TCF12: variants seen among roughly 807,000 people sequenced by gnomAD.
TCF12 encodes DNA-binding protein HTF4.
A neutral mutation model predicts 86.0 loss-of-function variants in TCF12; 45 were observed. That is an observed-to-expected ratio of 0.52 (90% CI 0.41 to 0.67). The LOEUF (loss-of-function observed/expected upper bound fraction) is 0.67, where lower values mean the gene tolerates loss of function less well. Among genes scored for constraint, TCF12 ranks in the 30% least tolerant of loss-of-function variants. TCF12 has a pLI of 0.00. For missense variants in TCF12, 881 were observed against 859.9 expected, an observed-to-expected ratio of 1.02 and a Z score of -0.31; for synonymous variants, 330 against 299.6, an observed-to-expected ratio of 1.10 and a Z score of -1.05.
intron 3 of TCF12, among the ~76,000 whole-genome samples, chr15:56,956,079 CT>C (rs1325568657): frequency 2.6e-5 from 4 of 152,034 alleles, no homozygotes; most frequent in East Asian, 1.9e-4. Context: ...GCACTGTACA[CT>C]TTTTTTCTTG....
intron 3 of TCF12, among the ~76,000 whole-genome samples, chr15:56,970,675 A>G (rs1299255277): frequency 6.6e-6 from 1 of 152,076 alleles, no homozygotes; most frequent in Non-Finnish European, 1.5e-5. Context: ...AGACTGATAC[A>G]TTTGACTATG....
chr15:56,996,764 T>G (rs1245073862), intron 3 of TCF12, among the ~76,000 whole-genome samples: 4 of 152,076 alleles, frequency 2.6e-5, no homozygotes, highest in South Asian at 2.1e-4. Flanking sequence ...TCCAAAATCT[T>G]AAGGAACTTA....
intron 8 of TCF12, among the ~76,000 whole-genome samples, chr15:57,203,780 T>G (rs2057673372): frequency 6.6e-6 from 1 of 152,306 alleles, no homozygotes; most frequent in East Asian, 1.9e-4. Flanking sequence ...GCACGGTGGC[T>G]GTAGTCCCAA....
At chr15:56,994,792 C>T (rs1340130416) in intron 3 of TCF12, among the ~76,000 whole-genome samples, 3 of 151,960 alleles carry the variant, frequency 2.0e-5, no homozygotes, top group Admixed American at 6.6e-5. Context: ...TGTCAGCAGA[C>T]GTGATCTAAA....
chr15:57,056,462 AATTT>A (rs1363925699), intron 3 of TCF12, among the ~76,000 whole-genome samples: 4 of 150,486 alleles, frequency 2.7e-5, no homozygotes, highest in African/African-American at 9.8e-5. Context: ...ATTTTTAATT[AATTT>A]ATTTATTTAT....
chr15:57,073,129 G>A (rs182613436), intron 4 of TCF12, among the ~76,000 whole-genome samples: 15 of 152,154 alleles, frequency 9.9e-5, no homozygotes, highest in African/African-American at 3.6e-4. Flanking sequence ...GATCTTTTTG[G>A]AAATAACCTT....
chr15:57,201,247 T>A (rs1436141892), intron 8 of TCF12, among the ~76,000 whole-genome samples: 1 of 151,860 alleles, frequency 6.6e-6, no homozygotes, highest in Non-Finnish European at 1.5e-5. Context: ...GACCTCACTA[T>A]CTTATATGAG....
chr15:57,200,094 A>G (rs1346512691), intron 8 of TCF12, among the ~76,000 whole-genome samples: 2 of 140,426 alleles, frequency 1.4e-5, no homozygotes, highest in Non-Finnish European at 3.0e-5. Flanking sequence ...CCAGGCCAGG[A>G]TGGTCTTGAA....
chr15:57,167,414 A>G (rs1567551552), intron 6 of TCF12, among the ~76,000 whole-genome samples: 1 of 152,072 alleles, frequency 6.6e-6, no homozygotes, highest in Non-Finnish European at 1.5e-5. Context: ...TGTAAAAATC[A>G]GCCAGGTGTA....
intron 5 of TCF12, among the ~76,000 whole-genome samples, chr15:57,093,782 TAA>T (rs2049143989): frequency 6.6e-6 from 1 of 152,114 alleles, no homozygotes; most frequent in African/African-American, 2.4e-5. Flanking sequence ...AATCAACATC[TAA>T]AAAAAGTCTT....
chr15:56,950,745 GTTTTTTTTTTTT>G (rs71113040), intron 3 of TCF12, among the ~76,000 whole-genome samples: 16 of 85,900 alleles, frequency 1.9e-4, no homozygotes, highest in South Asian at 7.3e-4. Flanking sequence ...TTATGACCAT[GTTTTTTTTTTTT>G]TTTTTTTTTT....
Position 57,014,367 on chromosome 15 carries a change from A to G in TCF12, c.149-49383A>G, listed in dbSNP as rs2065023901. On this transcript the variant is annotated intron_variant, in intron 3 of 20. Coordinates refer to ENST00000333725, the MANE Select transcript of TCF12 (RefSeq NM_207037.2). ...ATTTAGTGGGCCTTCCTCATTCCCTACCATCAGTGGAAATCCAATATTGTT... is the reference window on the plus strand; with the variant it reads ...ATTTAGTGGGCCTTCCTCATTCCCTGCCATCAGTGGAAATCCAATATTGTT... 2.6e-5 allele frequency among the ~76,000 whole-genome samples: 4 copies of G among 151,770 alleles called. No individual in the cohort carries two copies. The South Asian group carries it at 8.3e-4, about 32-fold the overall frequency.
At chr15:57,148,973 T>C (rs2053561964) in intron 5 of TCF12, among the ~76,000 whole-genome samples, 1 of 152,184 alleles carries the variant, frequency 6.6e-6, no homozygotes, top group Admixed American at 6.5e-5. Context: ...TAGTCTTAAA[T>C]CTATGTTTAC....
chr15:57,108,636 G>T (rs2050288046), intron 5 of TCF12, among the ~76,000 whole-genome samples: 1 of 151,798 alleles, frequency 6.6e-6, no homozygotes, highest in Admixed American at 6.6e-5. Context: ...CTTAGAGAGA[G>T]ATCTGGCTTG....
intron 14 of TCF12, 144 bp from the exon 15 acceptor site, chr15:57,252,277 A>G: frequency 3.4e-6 from 2 of 590,736 alleles, no homozygotes; most frequent in Non-Finnish European, 6.0e-6. Flanking sequence ...CAGCCTTTTC[A>G]TATCTTAATA....
intron 4 of TCF12, among the ~76,000 whole-genome samples, chr15:57,077,744 T>C (rs2070251382): frequency 8.8e-6 from 1 of 114,228 alleles, no homozygotes; most frequent in African/African-American, 2.7e-5. Context: ...TCTGTAGTTT[T>C]TTAAAAAAAA....
At chr15:57,016,605 A>G (rs1258234772) in intron 3 of TCF12, among the ~76,000 whole-genome samples, 9 of 152,128 alleles carry the variant, frequency 5.9e-5, no homozygotes, top group Non-Finnish European at 1.3e-4. Flanking sequence ...CTTGGTTGAT[A>G]GAATGGCATA....
chr15:57,230,064 A>G (rs537656440), intron 8 of TCF12, among the ~76,000 whole-genome samples: 3 of 152,078 alleles, frequency 2.0e-5, no homozygotes, highest in African/African-American at 7.2e-5. Context: ...CTTCCTTCCC[A>G]ATTCGAAGTC....
intron 16 of TCF12, among the ~76,000 whole-genome samples, chr15:57,256,489 C>A (rs1425395888): frequency 6.6e-6 from 1 of 152,120 alleles, no homozygotes; most frequent in Non-Finnish European, 1.5e-5. Flanking sequence ...AACAATACAT[C>A]CTCCTAACTA....
Sources: allele counts gnomAD v4.1 joint callset (sites outside exome capture counted in the v4.1 genomes callset), GRCh38; gene constraint gnomAD v4.1.1; transcripts MANE v1.5; gene names NCBI Gene and HGNC (gene_info 2026-07-23, HGNC 2026-07-21).